The following TSPAN12 variants were observed in gnomAD, a reference collection of about 807,000 sequenced individuals.
TSPAN12 encodes the protein tetraspanin 12.
TSPAN12 carries 19 observed loss-of-function variants against 39.2 expected under a neutral mutation model. That is an observed-to-expected ratio of 0.49 (90% CI 0.34 to 0.71). TSPAN12 has a LOEUF of 0.71. Ranked by LOEUF, TSPAN12 falls within the 30% of genes least tolerant of loss-of-function variation. The probability of loss-of-function intolerance (pLI) is 0.01; values close to 1 mark genes in which losing one functional copy is unlikely to be tolerated. For synonymous variants in TSPAN12, 119 were observed against 124.8 expected (o/e 0.95, Z 0.31); for missense variants, 314 against 359.9 (o/e 0.87, Z 1.03).
rs577364920 is a variant in TSPAN12 at position 120,833,711 on chromosome 7, C to T, written c.285+5066G>A. Reference sequence around the variant, plus strand: ...AGTTGAGCATATATTTGCATCACATCCTGACAAATGATGATCTCCTGATGG... The same window carrying T: ...AGTTGAGCATATATTTGCATCACATTCTGACAAATGATGATCTCCTGATGG... On this transcript the variant is annotated intron_variant, in intron 4 of 7. Coordinates refer to ENST00000222747, the MANE Select transcript of TSPAN12 (RefSeq NM_012338.4). Among the ~76,000 whole-genome samples, 33 of 152,236 alleles carry T rather than the reference C, an allele frequency of 2.2e-4. 1 individual carries two copies. In the South Asian group the frequency reaches 2.9e-3, roughly 13 times the overall value.
chr7:120,807,623 T>A (rs1038480933), intron 6 of TSPAN12, among the ~76,000 whole-genome samples: 1 of 152,114 alleles, frequency 6.6e-6, no homozygotes, highest in African/African-American at 2.4e-5. Context: ...ATGTCCAGGT[T>A]TGACATTGCA....
Position 120,838,766 on chromosome 7 carries a change from T to C in TSPAN12, c.285+11A>G. 2.5e-6 allele frequency: 4 copies of C among 1,612,524 alleles called. No homozygotes were observed. Among genetic ancestry groups the C allele is most frequent in the Middle Eastern group, 1.7e-4 (1 of 6,054 alleles). On this transcript the variant is annotated intron_variant, in intron 4 of 7. Coordinates refer to ENST00000222747, the MANE Select transcript of TSPAN12 (RefSeq NM_012338.4). Reference sequence around the variant, plus strand: ...TTTTAACTATAATAAAGAGAAAATATAACATCATACCCATGCAAGAAGCAA... The same window carrying C: ...TTTTAACTATAATAAAGAGAAAATACAACATCATACCCATGCAAGAAGCAA...
intron 2 of TSPAN12, among the ~76,000 whole-genome samples, chr7:120,841,572 C>G (rs1037452971): frequency 4.6e-5 from 7 of 151,976 alleles, no homozygotes; most frequent in Non-Finnish European, 8.8e-5. Context: ...GAAAGTTTAA[C>G]CCTGAATGAA....
chr7:120,843,476 G>A lies in TSPAN12; in HGVS notation c.67-3367C>T, dbSNP rs148077924. On this transcript the variant is annotated intron_variant, in intron 2 of 7. Transcript: ENST00000222747. ...CTCCCTTATGGGGCTCTCCCACTTA[G>A]GGGCCACTACACACCTGCCCTAATC... is the stretch of plus-strand genomic sequence containing the variant. Among the ~76,000 whole-genome samples the A allele has an allele frequency of 4.6e-5, 7 of 152,224 alleles. No individual in the cohort carries two copies. The East Asian group carries it at 1.4e-3, about 29-fold the overall frequency.
At chr7:120,801,056 G>A (rs1183680965) in intron 7 of TSPAN12, among the ~76,000 whole-genome samples, 1 of 152,174 alleles carries the variant, frequency 6.6e-6, no homozygotes, top group African/African-American at 2.4e-5. Context: ...AAAGTGTTGG[G>A]AATACAGGCG....
chr7:120,796,473 G>A (rs370088741), intron 7 of TSPAN12, among the ~76,000 whole-genome samples: 24 of 151,968 alleles, frequency 1.6e-4, no homozygotes, highest in Non-Finnish European at 2.6e-4. Flanking sequence ...TGTTGTCATC[G>A]GCTACCACTG....
At chr7:120,802,543 C>A (rs192464798) in intron 7 of TSPAN12, among the ~76,000 whole-genome samples, 67 of 152,088 alleles carry the variant, frequency 4.4e-4, no homozygotes, top group Admixed American at 1.4e-3. Flanking sequence ...GTATCCGTAA[C>A]TAGAATATAA....
intron 1 of TSPAN12, 161 bp from the exon 2 acceptor site, chr7:120,856,994 T>A: frequency 1.7e-6 from 1 of 600,254 alleles, no homozygotes. Flanking sequence ...AAAATCATAA[T>A]GGTAACTAAA....
At chr7:120,803,996 T>G (rs1381615362) in intron 7 of TSPAN12, among the ~76,000 whole-genome samples, 1 of 152,156 alleles carries the variant, frequency 6.6e-6, no homozygotes, top group East Asian at 1.9e-4. Flanking sequence ...ATATTCAGAC[T>G]TTATGGGAAG....
At chr7:120,857,103 AG>A (rs1187704365) in intron 1 of TSPAN12, 4 of 406,846 alleles carry the variant, frequency 9.8e-6, no homozygotes, top group East Asian at 1.1e-4. Flanking sequence ...TCGCGTTCTC[AG>A]GGGACACGCG....
At chr7:120,810,409 T>G (rs1793954923) in intron 6 of TSPAN12, 54 bp downstream of exon 6, 12 of 1,117,508 alleles carry the variant, frequency 1.1e-5, no homozygotes, top group Non-Finnish European at 1.2e-5. Flanking sequence ...AACATCTGGT[T>G]TGAAGGTGCA....
At chr7:120,798,790 C>A (rs924519770) in intron 7 of TSPAN12, among the ~76,000 whole-genome samples, 2 of 152,116 alleles carry the variant, frequency 1.3e-5, no homozygotes, top group African/African-American at 4.8e-5. Context: ...TCTAACTTTG[C>A]CCCATTATTT....
intron 3 of TSPAN12, among the ~76,000 whole-genome samples, chr7:120,839,563 A>G (rs1308108369): frequency 1.3e-5 from 2 of 152,232 alleles, no homozygotes; most frequent in African/African-American, 4.8e-5. Flanking sequence ...ATATAATACA[A>G]TCTCCATTCA....
chr7:120,844,718 T>G (rs1419040376), intron 2 of TSPAN12, among the ~76,000 whole-genome samples: 1 of 152,204 alleles, frequency 6.6e-6, no homozygotes, highest in Admixed American at 6.5e-5. Flanking sequence ...CAGGGTACAG[T>G]CCCTGTGGTT....
intron 7 of TSPAN12, among the ~76,000 whole-genome samples, chr7:120,798,646 A>G (rs754203635): frequency 4.6e-5 from 7 of 152,194 alleles, no homozygotes; most frequent in Non-Finnish European, 7.3e-5. Flanking sequence ...AACTATTCGC[A>G]GACTTCAGTA....
chr7:120,843,458 A>T (rs960916486), intron 2 of TSPAN12, among the ~76,000 whole-genome samples: 4 of 152,132 alleles, frequency 2.6e-5, no homozygotes, highest in African/African-American at 7.2e-5. Context: ...TACCTCCCTT[A>T]TGGGGCTCTC....
intron 2 of TSPAN12, among the ~76,000 whole-genome samples, chr7:120,848,684 T>C (rs898709551): frequency 6.6e-6 from 1 of 152,140 alleles, no homozygotes; most frequent in Non-Finnish European, 1.5e-5. Context: ...GCACAGAACA[T>C]TAGTCAAAAT....
chr7:120,811,841 A>T (rs1384527801), intron 5 of TSPAN12, among the ~76,000 whole-genome samples: 1 of 152,086 alleles, frequency 6.6e-6, no homozygotes, highest in Admixed American at 6.5e-5. Context: ...CGTATGTGGG[A>T]GCTAAGCTAT....
At chr7:120,828,294 C>T (rs1321943906) in intron 4 of TSPAN12, among the ~76,000 whole-genome samples, 2 of 152,152 alleles carry the variant, frequency 1.3e-5, no homozygotes, top group Non-Finnish European at 2.9e-5. Flanking sequence ...GGATACATAG[C>T]AAAAGATAGA....
Sources: gnomAD v4.1 joint callset for allele counts (sites outside exome capture counted in the v4.1 genomes callset) on GRCh38, gnomAD v4.1.1 for gene constraint, MANE v1.5 for transcripts, NCBI Gene and HGNC (gene_info 2026-07-23, HGNC 2026-07-21) for gene names.